MANBA: variants seen among roughly 807,000 people sequenced by gnomAD.
The protein encoded by MANBA is mannosidase beta, also known as beta-mannosidase.
A neutral mutation model predicts 111.1 loss-of-function variants in MANBA; 83 were observed. That is an observed-to-expected ratio of 0.75 (90% CI 0.63 to 0.90). MANBA has a LOEUF of 0.90. Ranked by LOEUF, MANBA falls within the 40% of genes least tolerant of loss-of-function variation. The probability of loss-of-function intolerance (pLI) is 0.00; values close to 1 mark genes in which losing one functional copy is unlikely to be tolerated. For missense variants in MANBA, 1,036 were observed against 1,069.0 expected, an observed-to-expected ratio of 0.97 and a Z score of 0.43; for synonymous variants, 370 against 378.7, an observed-to-expected ratio of 0.98 and a Z score of 0.27.
At chr4:102,654,323 T>G (rs564625583) in intron 12 of MANBA, among the ~76,000 whole-genome samples, 1 of 152,224 alleles carries the variant, frequency 6.6e-6, no homozygotes, top group Admixed American at 6.5e-5. Context: ...AAACGGGGTA[T>G]GGAATTTCAC....
intron 1 of MANBA, among the ~76,000 whole-genome samples, chr4:102,756,178 T>C (rs1724004288): frequency 6.6e-6 from 1 of 152,228 alleles, no homozygotes; most frequent in African/African-American, 2.4e-5. Flanking sequence ...TGCACATGTA[T>C]GTTTACTGCA....
intron 1 of MANBA, chr4:102,751,725 G>A: frequency 3.7e-6 from 2 of 541,346 alleles, no homozygotes; most frequent in Admixed American, 1.9e-5. Flanking sequence ...AGTTAAAGGG[G>A]CAAAGGAATG....
At position 102,634,776 on chromosome 4, in the gene MANBA, A is replaced by C; in HGVS notation, c.2415+12T>G. 6.2e-7 allele frequency: 1 copy of C among 1,613,038 alleles called. No individual in the cohort carries two copies. The highest frequency in any genetic ancestry group is 8.5e-7 in the Non-Finnish European group (1 of 1,180,014). On this transcript the variant is annotated intron_variant, in intron 16 of 16. Transcript: ENST00000647097. ...CCACAGTCCCCTGCCCTCCGCCATG[A>C]CCTGTGCTTACAGTGATCTGCGCCT...
chr4:102,760,089 T>TACACAC lies in MANBA; in HGVS notation c.177+623_177+628dup, dbSNP rs35109830. On this transcript the variant is annotated intron_variant, in intron 1 of 16. Coordinates refer to ENST00000647097, the MANE Select transcript of MANBA (RefSeq NM_005908.4). ...CTGTAAATTGGAGACTCCATTGGGA[T>TACACAC]ACACACACACACACACACACACGCC... 2.0e-3 allele frequency among the ~76,000 whole-genome samples: 302 copies of TACACAC among 149,826 alleles called. 1 individual carries two copies. Among genetic ancestry groups the TACACAC allele is most frequent in the African/African-American group, 6.5e-3 (266 of 40,834 alleles).
intron 5 of MANBA, among the ~76,000 whole-genome samples, chr4:102,704,433 C>T (rs223513): frequency 0.43 from 65,526 of 151,940 alleles, 15,723 homozygotes; most frequent in African/African-American, 0.65. Context: ...TCTCCCAAAG[C>T]GCTAAAGATT....
intron 1 of MANBA, chr4:102,727,507 T>G: frequency 1.9e-6 from 3 of 1,542,376 alleles, no homozygotes; most frequent in South Asian, 1.1e-5. Flanking sequence ...TCTCACATCA[T>G]TATTGGGGAT....
chr4:102,671,256 A>G (rs780532468), intron 9 of MANBA, 25 bp downstream of exon 9: 2 of 1,356,112 alleles, frequency 1.5e-6, no homozygotes, highest in Non-Finnish European at 2.1e-6. Context: ...ACTTATCAAT[A>G]TATAAAATGC....
intron 12 of MANBA, among the ~76,000 whole-genome samples, chr4:102,651,371 A>ATCT (rs1560748808): frequency 6.6e-6 from 1 of 152,106 alleles, no homozygotes. Context: ...AACTTACAGG[A>ATCT]TCTTTCTTTT....
Position 102,673,902 on chromosome 4 carries a change from G to T in MANBA, c.1112+17C>A, listed in dbSNP as rs1299554325. On this transcript the variant is annotated intron_variant, in intron 8 of 16. Coordinates refer to ENST00000647097, the MANE Select transcript of MANBA (RefSeq NM_005908.4). Reference sequence around the variant, plus strand: ...GCTAATTAAAAGAAGAACAAGAAAAGAAAGACAATAACTTACAACTCAGAG... The same window carrying T: ...GCTAATTAAAAGAAGAACAAGAAAATAAAGACAATAACTTACAACTCAGAG... 4 of 1,600,402 alleles carry T rather than the reference G, an allele frequency of 2.5e-6. No homozygotes were observed. The highest frequency in any genetic ancestry group is 2.2e-5 in the South Asian group (2 of 90,788).
At chr4:102,650,373 T>C (rs1730275911) in intron 13 of MANBA, among the ~76,000 whole-genome samples, 164 bp downstream of exon 13, 1 of 152,250 alleles carries the variant, frequency 6.6e-6, no homozygotes, top group South Asian at 2.1e-4. Flanking sequence ...AATGAACTAT[T>C]TCATGTCCTA....
At chr4:102,639,657 C>T in intron 14 of MANBA, 56 bp downstream of exon 14, 5 of 1,609,090 alleles carry the variant, frequency 3.1e-6, no homozygotes, top group Non-Finnish European at 3.4e-6. Context: ...TTTCTCAGTC[C>T]CTCTCCCCAC....
At chr4:102,750,851 T>A (rs1485272289) in intron 1 of MANBA, among the ~76,000 whole-genome samples, 4 of 152,070 alleles carry the variant, frequency 2.6e-5, no homozygotes, top group African/African-American at 9.7e-5. Flanking sequence ...AGGTTAAGCC[T>A]GCAGTGAGCC....
At chr4:102,730,383 G>A in intron 1 of MANBA, 1 of 494,290 alleles carries the variant, frequency 2.0e-6, no homozygotes, top group Non-Finnish European at 3.7e-6. Flanking sequence ...GCTTAGTGTA[G>A]CAAGTCGGCA....
chr4:102,744,965 G>T (rs756939468), intron 1 of MANBA, among the ~76,000 whole-genome samples: 7 of 152,150 alleles, frequency 4.6e-5, no homozygotes, highest in Non-Finnish European at 8.8e-5. Flanking sequence ...TGCTACGTAT[G>T]TCTATGGCAA....
chr4:102,758,607 A>G (rs921585400), intron 1 of MANBA, among the ~76,000 whole-genome samples: 1 of 149,838 alleles, frequency 6.7e-6, no homozygotes, highest in African/African-American at 2.5e-5. Context: ...TGGAGTACAG[A>G]TCACGGCTCA....
At chr4:102,747,951 C>T (rs1723646324) in intron 1 of MANBA, among the ~76,000 whole-genome samples, 1 of 152,160 alleles carries the variant, frequency 6.6e-6, no homozygotes, top group Admixed American at 6.5e-5. Flanking sequence ...CGGTGGGGTT[C>T]CCAGGACTGG....
intron 5 of MANBA, among the ~76,000 whole-genome samples, chr4:102,694,955 A>G (rs1231752264): frequency 1.3e-5 from 2 of 152,178 alleles, no homozygotes; most frequent in African/African-American, 2.4e-5. Context: ...AGGATGGTAG[A>G]GAATGTGGTT....
chr4:102,707,318 T>C (rs1174305066), intron 5 of MANBA, among the ~76,000 whole-genome samples: 1 of 152,166 alleles, frequency 6.6e-6, no homozygotes, highest in Non-Finnish European at 1.5e-5. Flanking sequence ...CAGCCAAGGA[T>C]GCCATACCCA....
intron 5 of MANBA, among the ~76,000 whole-genome samples, chr4:102,713,657 T>C (rs575265029): frequency 1.3e-5 from 2 of 152,214 alleles, no homozygotes; most frequent in East Asian, 3.9e-4. Flanking sequence ...ATCCCAGCAC[T>C]TTGGGAGGCT....
Sources: allele counts gnomAD v4.1 joint callset (sites outside exome capture counted in the v4.1 genomes callset), GRCh38; gene constraint gnomAD v4.1.1; transcripts MANE v1.5; gene names NCBI Gene and HGNC (gene_info 2026-07-23, HGNC 2026-07-21).